EGFR: variants seen among roughly 807,000 people sequenced by gnomAD.
EGFR encodes the protein epidermal growth factor receptor.
EGFR carries 58 observed loss-of-function variants against 143.0 expected under a neutral mutation model. That is an observed-to-expected ratio of 0.41 (90% confidence interval 0.33 to 0.50). The LOEUF (loss-of-function observed/expected upper bound fraction) is 0.50, where lower values mean the gene tolerates loss of function less well. Ranked by LOEUF, EGFR falls within the 20% of genes least tolerant of loss-of-function variation. The probability of loss-of-function intolerance (pLI) is 0.39; values close to 1 mark genes in which losing one functional copy is unlikely to be tolerated. For synonymous variants in EGFR, 613 were observed against 594.4 expected, an observed-to-expected ratio of 1.03 and a Z score of -0.45; for missense variants, 1,307 against 1,579.0, an observed-to-expected ratio of 0.83 and a Z score of 2.92.
At chr7:55,142,146 C>A (rs1467104382) in intron 1 of EGFR, 140 bp from the exon 2 acceptor site, 18 of 975,394 alleles carry the variant, frequency 1.8e-5, no homozygotes, top group Non-Finnish European at 2.5e-5. Context: ...GCCCAGATGA[C>A]CTGGGCAGGA....
rs80034504 is a variant in EGFR at position 55,151,037 on chromosome 7, G to C, written c.560-257G>C. Among the ~76,000 whole-genome samples the C allele has an allele frequency of 5.9e-5, 9 of 152,312 alleles. No individual in the cohort carries two copies. In the East Asian group the frequency reaches 1.7e-3, roughly 29 times the overall value. On this transcript the variant is annotated intron_variant, in intron 4 of 27. Transcript: ENST00000275493. ...AACCTCAAATTCATGAAAAATTCTT[G>C]CTTATGTGGCCCATGTCAGTAATTA...
chr7:55,108,406 G>A (rs1792267896), intron 1 of EGFR, among the ~76,000 whole-genome samples: 1 of 152,226 alleles, frequency 6.6e-6, no homozygotes, highest in Non-Finnish European at 1.5e-5. Context: ...GAATGTGTGG[G>A]TTATCTCCAT....
At chr7:55,157,011 G>C (rs190085020) in intron 10 of EGFR, 179 bp downstream of exon 10, 2 of 1,436,386 alleles carry the variant, frequency 1.4e-6, no homozygotes, top group African/African-American at 1.4e-5. Flanking sequence ...AAGGGGACAC[G>C]TTAAGTCCAG....
chr7:55,106,045 G>A (rs1792105099), intron 1 of EGFR, among the ~76,000 whole-genome samples: 1 of 152,206 alleles, frequency 6.6e-6, no homozygotes, highest in African/African-American at 2.4e-5. Flanking sequence ...TATAGGAGTT[G>A]TATCAGGTAG....
chr7:55,030,930 A>T (rs531256579), intron 1 of EGFR, among the ~76,000 whole-genome samples: 2 of 152,342 alleles, frequency 1.3e-5, no homozygotes, highest in South Asian at 4.1e-4. Context: ...CAGTGAGTAG[A>T]TCTCTCAGTG....
intron 22 of EGFR, among the ~76,000 whole-genome samples, chr7:55,193,529 T>C (rs1038791368): frequency 1.3e-5 from 2 of 152,156 alleles, no homozygotes; most frequent in Non-Finnish European, 2.9e-5. Context: ...TGCTGACACA[T>C]TGTCTCTGAC....
chr7:55,188,501 T>C (rs2128962441), intron 20 of EGFR, among the ~76,000 whole-genome samples: 1 of 152,324 alleles, frequency 6.6e-6, no homozygotes, highest in East Asian at 1.9e-4. Flanking sequence ...CTCAGTGCTG[T>C]ATTTCAAAAT....
intron 1 of EGFR, among the ~76,000 whole-genome samples, chr7:55,056,694 T>C (rs1355171407): frequency 6.6e-6 from 1 of 152,256 alleles, no homozygotes; most frequent in Non-Finnish European, 1.5e-5. Flanking sequence ...GGAAATAATT[T>C]TCTTGAAGGC....
At chr7:55,164,924 A>G (rs776678555) in intron 14 of EGFR, among the ~76,000 whole-genome samples, 2 of 152,216 alleles carry the variant, frequency 1.3e-5, no homozygotes, top group Admixed American at 6.5e-5. Context: ...AACTTCAACT[A>G]TAATATGCAA....
chr7:55,205,774 C>T lies in EGFR; in HGVS notation c.*157C>T, dbSNP rs1268210285. On this transcript the variant is annotated 3_prime_UTR_variant, in exon 28 of 28. Coordinates refer to ENST00000275493, the MANE Select transcript of EGFR (RefSeq NM_005228.5). ...ACACCGACTAGCCAGGAAGTACTTC[C>T]ACCTCGGGCACATTTTGGGAAGTTG... The T allele has an allele frequency of 2.7e-6, 3 of 1,118,284 alleles. No homozygotes were observed. Among genetic ancestry groups the T allele is most frequent in the Non-Finnish European group, 2.6e-6 (2 of 773,276 alleles). 69.3% of individuals were successfully genotyped at this position (1,118,284 alleles called of 1,614,324 possible).
intron 1 of EGFR, among the ~76,000 whole-genome samples, chr7:55,102,885 A>T (rs11971051): frequency 0.32 from 49,354 of 152,016 alleles, 8,838 homozygotes; most frequent in East Asian, 0.7. Context: ...CATGGAGGAG[A>T]GGGAAAAATT....
At chr7:55,128,286 A>G (rs555146978) in intron 1 of EGFR, among the ~76,000 whole-genome samples, 1 of 152,368 alleles carries the variant, frequency 6.6e-6, no homozygotes, top group African/African-American at 2.4e-5. Flanking sequence ...AAGGAGGAGA[A>G]ATTCAAATAG....
intron 1 of EGFR, among the ~76,000 whole-genome samples, chr7:55,123,341 A>G (rs1793324498): frequency 6.6e-6 from 1 of 152,242 alleles, no homozygotes; most frequent in Non-Finnish European, 1.5e-5. Flanking sequence ...ATCAATTAAG[A>G]AATTAATTTG....
intron 8 of EGFR, among the ~76,000 whole-genome samples, chr7:55,156,219 A>C (rs1035058314): frequency 1.3e-5 from 2 of 152,190 alleles, no homozygotes; most frequent in African/African-American, 4.8e-5. Context: ...AATCCAGGGA[A>C]GGCAGAGCTG....
intron 1 of EGFR, among the ~76,000 whole-genome samples, chr7:55,054,590 G>A (rs1324811030): frequency 6.6e-6 from 1 of 152,204 alleles, no homozygotes; most frequent in Non-Finnish European, 1.5e-5. Context: ...AGCAAACATG[G>A]AATTCAGAAT....
rs1007256814 is a variant in EGFR at position 55,208,535 on chromosome 7, C to G, written c.*2918C>G. On this transcript the variant is annotated 3_prime_UTR_variant, in exon 28 of 28. Transcript: ENST00000275493. The stretch of plus-strand genomic sequence containing the variant: ...CACATTCATAGGTGCCGCCAGCCTT[C>G]GTGCATCTTCTTGCATCATCTCTAA... 1 of 152,218 alleles carries G rather than the reference C, an allele frequency of 6.6e-6. No individual in the cohort carries two copies. Among genetic ancestry groups the G allele is most frequent in the Non-Finnish European group, 1.5e-5 (1 of 68,068 alleles). 9.4% of individuals were successfully genotyped at this position (152,218 alleles called of 1,614,324 possible).
At chr7:55,156,931 C>G (rs1174249398) in intron 10 of EGFR, 99 bp downstream of exon 10, 8 of 1,581,662 alleles carry the variant, frequency 5.1e-6, no homozygotes, top group Non-Finnish European at 6.9e-6. Context: ...AAAAACATTT[C>G]TTCTGAAATT....
chr7:55,174,592 T>C, intron 18 of EGFR, 130 bp from the exon 19 acceptor site: 2 of 805,152 alleles, frequency 2.5e-6, no homozygotes, highest in Non-Finnish European at 4.4e-6. Context: ...CAGCCTTAGG[T>C]GCGGCTCCAC....
At chr7:55,021,435 A>G (rs901848820) in intron 1 of EGFR, among the ~76,000 whole-genome samples, 1 of 152,222 alleles carries the variant, frequency 6.6e-6, no homozygotes, top group East Asian at 1.9e-4. Flanking sequence ...TTTGAACACC[A>G]CTATTAGTAG....
Sources: gnomAD v4.1 joint callset for allele counts (sites outside exome capture counted in the v4.1 genomes callset) on GRCh38, gnomAD v4.1.1 for gene constraint, MANE v1.5 for transcripts, NCBI Gene and HGNC (gene_info 2026-07-23, HGNC 2026-07-21) for gene names.